The following GRIN2A variants were observed in gnomAD, a reference collection of about 807,000 sequenced individuals.
GRIN2A encodes the protein glutamate receptor ionotropic, NMDA 2A.
A neutral mutation model predicts 113.4 loss-of-function variants in GRIN2A; 22 were observed. The ratio of observed to expected loss-of-function variants is 0.19; its 90% CI spans 0.14 to 0.28. The LOEUF is 0.28. Among genes scored for constraint, GRIN2A ranks in the 10% least tolerant of loss-of-function variants. The probability of loss-of-function intolerance (pLI) is 1.00; values close to 1 mark genes in which losing one functional copy is unlikely to be tolerated. For synonymous variants in GRIN2A, 827 were observed against 738.4 expected, an observed-to-expected ratio of 1.12 and a Z score of -1.94; for missense variants, 1,502 against 1,887.0, an observed-to-expected ratio of 0.80 and a Z score of 3.78.
chr16:10,059,963 A>T (rs1435686120), intron 2 of GRIN2A, among the ~76,000 whole-genome samples: 2 of 145,524 alleles, frequency 1.4e-5, no homozygotes, highest in Admixed American at 1.4e-4. Flanking sequence ...TATCCTAGGG[A>T]TGGAGGAAAA....
In GRIN2A at chr16:10,074,859, T is replaced by C. The variant is rs576749867; in HGVS notation, c.414+105139A>G. Among the ~76,000 whole-genome samples, 71 of 152,332 alleles carry C rather than the reference T, an allele frequency of 4.7e-4. 1 individual carries two copies. Among genetic ancestry groups the C allele is most frequent in the South Asian group, 3.5e-3 (17 of 4,824 alleles). Reference sequence around the variant, plus strand: ...CTAAAAAGCATTGGACTGTGAACTTTAACATGATAAATTTTATGTGAATTA... The same window carrying C: ...CTAAAAAGCATTGGACTGTGAACTTCAACATGATAAATTTTATGTGAATTA... On this transcript the variant is annotated intron_variant, in intron 2 of 12. Transcript: ENST00000330684.
At chr16:9,929,017 G>A (rs2044529511) in intron 3 of GRIN2A, among the ~76,000 whole-genome samples, 1 of 152,242 alleles carries the variant, frequency 6.6e-6, no homozygotes, top group African/African-American at 2.4e-5. Flanking sequence ...ATTGGGAACA[G>A]AGTCTCCATG....
intron 2 of GRIN2A, among the ~76,000 whole-genome samples, chr16:10,076,461 G>A (rs13331088): frequency 0.14 from 21,207 of 152,116 alleles, 1,993 homozygotes; most frequent in African/African-American, 0.27. Flanking sequence ...GGTCTGCCAT[G>A]AACTCTTACC....
chr16:9,953,451 G>A (rs1455484654), intron 2 of GRIN2A, among the ~76,000 whole-genome samples: 2 of 152,170 alleles, frequency 1.3e-5, no homozygotes, highest in African/African-American at 4.8e-5. Flanking sequence ...ACAGAGAAAT[G>A]CATATGGAAT....
intron 2 of GRIN2A, chr16:10,179,569 G>C (rs2050216278): frequency 4.8e-6 from 1 of 208,394 alleles, no homozygotes; most frequent in Admixed American, 5.2e-5. Context: ...TACCATAAGA[G>C]GAAAAAATGG....
chr16:10,120,828 C>G (rs2048818599), intron 2 of GRIN2A, among the ~76,000 whole-genome samples: 1 of 152,018 alleles, frequency 6.6e-6, no homozygotes, highest in African/African-American at 2.4e-5. Flanking sequence ...CCTTCATATT[C>G]TCTCCCCACT....
intron 2 of GRIN2A, among the ~76,000 whole-genome samples, chr16:10,080,911 C>G (rs951516858): frequency 6.6e-6 from 1 of 152,150 alleles, no homozygotes; most frequent in Non-Finnish European, 1.5e-5. Flanking sequence ...CCTTCATTCC[C>G]GTCTCAAATG....
intron 2 of GRIN2A, among the ~76,000 whole-genome samples, chr16:9,978,205 G>A (rs951049999): frequency 6.6e-6 from 1 of 152,204 alleles, no homozygotes; most frequent in African/African-American, 2.4e-5. Context: ...TTAGAGTTGT[G>A]TGTGATTTGG....
intron 4 of GRIN2A, among the ~76,000 whole-genome samples, chr16:9,885,982 G>A (rs778439737): frequency 8.5e-5 from 13 of 152,254 alleles, no homozygotes; most frequent in Admixed American, 2.0e-4. Flanking sequence ...GGCATCTTCT[G>A]TATCTGGAAA....
intron 2 of GRIN2A, among the ~76,000 whole-genome samples, chr16:9,978,472 C>T (rs968549850): frequency 1.3e-5 from 2 of 152,138 alleles, no homozygotes; most frequent in African/African-American, 4.8e-5. Flanking sequence ...TCTCCTCCTC[C>T]TCCCTATCCT....
At chr16:9,838,181 C>T (rs1297100935) in intron 7 of GRIN2A, among the ~76,000 whole-genome samples, 1 of 152,148 alleles carries the variant, frequency 6.6e-6, no homozygotes, top group Non-Finnish European at 1.5e-5. Flanking sequence ...TTATTTTTGT[C>T]TCTGGAAAAA....
At chr16:10,151,092 C>T (rs918706954) in intron 2 of GRIN2A, among the ~76,000 whole-genome samples, 2 of 152,206 alleles carry the variant, frequency 1.3e-5, no homozygotes, top group African/African-American at 4.8e-5. Context: ...TGCATAGCAA[C>T]CACTACTGCC....
chr16:10,039,811 G>C, intron 2 of GRIN2A, among the ~76,000 whole-genome samples: 1 of 90,984 alleles, frequency 1.1e-5, no homozygotes, highest in East Asian at 8.2e-4. Context: ...AGGGGGGGGA[G>C]AAAGAGAGAG....
intron 2 of GRIN2A, among the ~76,000 whole-genome samples, chr16:10,164,061 T>C (rs2049857559): frequency 6.6e-6 from 1 of 152,194 alleles, no homozygotes; most frequent in African/African-American, 2.4e-5. Context: ...GGCAGAGCAG[T>C]TTATCTAACT....
rs553231519 is a variant in GRIN2A, at chr16:9,996,847, C to A, written c.415-58296G>T. Among the ~76,000 whole-genome samples, 4 of 152,214 alleles carry A rather than the reference C, an allele frequency of 2.6e-5. No homozygotes were observed. In the South Asian group the frequency reaches 8.3e-4, roughly 32 times the overall value. On this transcript the variant is annotated intron_variant, in intron 2 of 12. Transcript: ENST00000330684. ...GACTCACAGTTCTTAACAAAGAAAA[C>A]AGAATAAAAATAAAATGTTCATTTT...
Position 9,753,602 on chromosome 16 carries a change from A to C in GRIN2A, c.*9547T>G, listed in dbSNP as rs755164063. The C allele has an allele frequency of 5.6e-5, 11 of 196,424 alleles. No individual in the cohort carries two copies. Among genetic ancestry groups the C allele is most frequent in the Non-Finnish European group, 1.1e-4 (10 of 94,584 alleles). The allele number at this position is 196,424 out of a possible 1,614,324, so 12.2% of individuals were successfully genotyped here. A position where few individuals can be genotyped will look rare whatever the true frequency, so the allele number is the denominator to read the frequency against. ...TGAACAAAATTAAAAGACATACTACAAGAAGACAACCATAGTATATACTTC... is the reference window on the plus strand; with the variant it reads ...TGAACAAAATTAAAAGACATACTACCAGAAGACAACCATAGTATATACTTC... On this transcript the variant is annotated 3_prime_UTR_variant, in exon 13 of 13. Coordinates refer to ENST00000330684, the MANE Select transcript of GRIN2A (RefSeq NM_001134407.3).
rs537203518 is a variant in GRIN2A, at chr16:9,976,784, C to T, written c.415-38233G>A. Among the ~76,000 whole-genome samples the T allele has an allele frequency of 2.6e-5, 4 of 152,294 alleles. No homozygotes were observed. In the South Asian group the frequency reaches 6.2e-4, roughly 24 times the overall value. On this transcript the variant is annotated intron_variant, in intron 2 of 12. Coordinates refer to ENST00000330684, the MANE Select transcript of GRIN2A (RefSeq NM_001134407.3). Reference sequence around the variant, plus strand: ...ATGTCCTCTGAAGCCATTCAGCTGGCGTCACTTGTAGATATATCCCTCCGA... The same window carrying T: ...ATGTCCTCTGAAGCCATTCAGCTGGTGTCACTTGTAGATATATCCCTCCGA...
At chr16:9,800,515 C>A (rs1047740266) in intron 10 of GRIN2A, among the ~76,000 whole-genome samples, 1 of 152,098 alleles carries the variant, frequency 6.6e-6, no homozygotes, top group Non-Finnish European at 1.5e-5. Context: ...AACACTGCAT[C>A]TTTTCAGAGA....
chr16:9,796,291 T>C (rs1354072056), intron 11 of GRIN2A, among the ~76,000 whole-genome samples: 1 of 152,242 alleles, frequency 6.6e-6, no homozygotes, highest in Non-Finnish European at 1.5e-5. Flanking sequence ...TATTTATTCA[T>C]TCAAACCTTT....
Sources: gnomAD v4.1 joint callset for allele counts (sites outside exome capture counted in the v4.1 genomes callset) on GRCh38, gnomAD v4.1.1 for gene constraint, MANE v1.5 for transcripts, NCBI Gene and HGNC (gene_info 2026-07-23, HGNC 2026-07-21) for gene names.